HEG1: variants seen among roughly 807,000 people sequenced by gnomAD.
HEG1 encodes heart development protein with EGF like domains 1, also known as protein HEG homolog 1.
Under a neutral mutation model 125.6 loss-of-function variants are expected in HEG1, and 56 were observed. The ratio of observed to expected loss-of-function variants is 0.45; its 90% CI spans 0.36 to 0.56. The LOEUF is 0.56. Ranked by LOEUF, HEG1 falls within the 20% of genes least tolerant of loss-of-function variation. HEG1 has a pLI of 0.00. For synonymous variants in HEG1, 644 were observed against 668.5 expected (o/e 0.96, Z 0.57); for missense variants, 1,523 against 1,670.0 (o/e 0.91, Z 1.53).
intron 15 of HEG1, among the ~76,000 whole-genome samples, chr3:124,976,959 G>C (rs1936555981): frequency 6.6e-6 from 1 of 152,124 alleles, no homozygotes; most frequent in African/African-American, 2.4e-5. Flanking sequence ...CCATTGATAT[G>C]GTTCGGCTAT....
rs1411652792 is a variant in HEG1, at chr3:125,055,569, A to G, written c.316+6T>C. 6.7e-6 allele frequency: 8 copies of G among 1,202,400 alleles called. No individual in the cohort carries two copies. Among genetic ancestry groups the G allele is most frequent in the Non-Finnish European group, 7.2e-6 (7 of 968,806 alleles). 74.5% of individuals were successfully genotyped at this position (1,202,400 alleles called of 1,614,324 possible). On this transcript the variant is annotated splice_donor_region_variant and intron_variant, in intron 1 of 16. Coordinates refer to ENST00000311127, the MANE Select transcript of HEG1 (RefSeq NM_020733.2). ...GCCAGGCGCCAGGTTCCCGGCTCTC[A>G]CTCACCCGCGCTCCCGCCTCTGGGG...
rs1310222019 is a variant in HEG1, at chr3:125,013,349, T to C, written c.2230A>G (p.Thr744Ala). The change falls in exon 6 of 17, where the codon ACC (threonine) becomes GCC (alanine). Residue 744 changes from threonine to alanine, a missense_variant. Transcript: ENST00000311127. Reference protein sequence around the residue: ...SQTTLPQSSSTPVLPRARETP... With the variant: ...SQTTLPQSSSAPVLPRARETP... ...TCCCTTGCCCTGGGCAGGACAGGGG[T>C]AGAAGATGACTGTGGCAAGGTTGTT... 1 of 1,613,832 alleles carries C rather than the reference T, an allele frequency of 6.2e-7. No homozygotes were observed. The highest frequency in any genetic ancestry group is 1.7e-5 in the Admixed American group (1 of 59,994).
intron 14 of HEG1, among the ~76,000 whole-genome samples, chr3:124,985,317 A>G (rs1308385853): frequency 1.3e-5 from 2 of 152,218 alleles, no homozygotes; most frequent in Non-Finnish European, 2.9e-5. Flanking sequence ...CTCTTCCCTT[A>G]ACTTCTATTT....
intron 1 of HEG1, among the ~76,000 whole-genome samples, chr3:125,031,916 G>A (rs1181484525): frequency 6.6e-6 from 1 of 152,010 alleles, no homozygotes; most frequent in Non-Finnish European, 1.5e-5. Context: ...ATCCACATGT[G>A]TACACTTTAA....
intron 11 of HEG1, among the ~76,000 whole-genome samples, chr3:124,998,356 C>T (rs1244918724): frequency 6.6e-6 from 1 of 152,230 alleles, no homozygotes; most frequent in African/African-American, 2.4e-5. Flanking sequence ...AGGTGGCTTG[C>T]TGTCCTGACA....
In HEG1 at chr3:124,966,699, G is replaced by A. The variant is rs533030629; in HGVS notation, c.*3953C>T. 1.3e-5 allele frequency: 2 copies of A among 152,314 alleles called. No individual in the cohort carries two copies. Among genetic ancestry groups the A allele is most frequent in the Admixed American group, 6.5e-5 (1 of 15,298 alleles). 9.4% of individuals were successfully genotyped at this position (152,314 alleles called of 1,614,324 possible). ...GAAGTGCTGTAGTCTCAAAATTTGTGTATTTTAGAACTATGGGTCAAAACC... is the reference window on the plus strand; with the variant it reads ...GAAGTGCTGTAGTCTCAAAATTTGTATATTTTAGAACTATGGGTCAAAACC... On this transcript the variant is annotated 3_prime_UTR_variant, in exon 17 of 17. Transcript: ENST00000311127.
intron 1 of HEG1, among the ~76,000 whole-genome samples, chr3:125,029,832 C>T (rs992855358): frequency 2.0e-5 from 3 of 152,188 alleles, no homozygotes; most frequent in African/African-American, 2.4e-5. Flanking sequence ...GCAGAGGTTG[C>T]GGTGAGCCAA....
intron 3 of HEG1, among the ~76,000 whole-genome samples, chr3:125,023,394 C>T (rs1001296540): frequency 2.0e-5 from 3 of 152,198 alleles, no homozygotes; most frequent in African/African-American, 7.2e-5. Flanking sequence ...TTCCCTGACT[C>T]TGAGAGCTCT....
At chr3:124,980,525 T>A (rs560433098) in intron 14 of HEG1, among the ~76,000 whole-genome samples, 58 of 152,338 alleles carry the variant, frequency 3.8e-4, no homozygotes, top group Admixed American at 5.2e-4. Context: ...TTTTTTATTT[T>A]TTTTTTATTT....
rs1192428335 is a variant in HEG1 at position 125,023,822 on chromosome 3, G to A, written c.914-2692C>T. Among the ~76,000 whole-genome samples the A allele has an allele frequency of 4.6e-5, 7 of 152,236 alleles. 1 individual carries two copies. In the South Asian group the frequency reaches 1.2e-3, roughly 27 times the overall value. ...AGCCAAATTCCTGATCTTTATAATG[G>A]GAGGTTGCAAGAATGCCTACTCGTC... is the stretch of plus-strand genomic sequence containing the variant. On this transcript the variant is annotated intron_variant, in intron 3 of 16. Coordinates refer to ENST00000311127, the MANE Select transcript of HEG1 (RefSeq NM_020733.2).
At position 125,012,709 on chromosome 3, in the gene HEG1, G is replaced by T. The variant is rs147885895; in HGVS notation, c.2870C>A (p.Thr957Lys). The T allele has an allele frequency of 2.5e-6, 4 of 1,613,826 alleles. No individual in the cohort carries two copies. The highest frequency in any genetic ancestry group is 1.3e-5 in the African/African-American group (1 of 74,924). Reference protein sequence around the residue: ...SPSPQTTVVSTAEDLAPKSAT... With the variant: ...SPSPQTTVVSKAEDLAPKSAT... ...AGATTTGGGAGCCAAGTCTTCAGCC[G>T]TGGAAACAACTGTGGTTTGGGGAGA... Residue 957 changes from threonine to lysine, a missense_variant, in exon 6 of 17, where the codon ACG (threonine) becomes AAG (lysine). Coordinates refer to ENST00000311127, the MANE Select transcript of HEG1 (RefSeq NM_020733.2).
chr3:125,014,829 G>A (rs1226286633), intron 5 of HEG1: 2 of 1,289,740 alleles, frequency 1.6e-6, no homozygotes, highest in African/African-American at 1.5e-5. Context: ...AGGGCTGCCT[G>A]CTTCCCCAGA....
At position 125,029,401 on chromosome 3, in the gene HEG1, G is replaced by T. The variant is rs1163300311; in HGVS notation, c.404C>A (p.Thr135Lys). The T allele has an allele frequency of 6.2e-6, 10 of 1,611,280 alleles. No homozygotes were observed. The highest frequency in any genetic ancestry group is 8.5e-6 in the Non-Finnish European group (10 of 1,179,830). ...TFYQNQEDFS[T>K]VSSKEGVMVQ... ...CATCACGCCCTCTTTGGAGGACACT[G>T]TTGAAAAGTCCTCTTGATTCTGATA... Residue 135 changes from threonine to lysine, a missense_variant, in exon 2 of 17, where the codon ACA (threonine) becomes AAA (lysine). Coordinates refer to ENST00000311127, the MANE Select transcript of HEG1 (RefSeq NM_020733.2).
At chr3:125,055,303 A>C (rs1001583260) in intron 1 of HEG1, among the ~76,000 whole-genome samples, 5 of 151,958 alleles carry the variant, frequency 3.3e-5, no homozygotes, top group African/African-American at 1.2e-4. Flanking sequence ...TTTTTTTTAA[A>C]GTGGGGTGGA....
intron 14 of HEG1, among the ~76,000 whole-genome samples, chr3:124,987,744 T>C (rs1255589914): frequency 6.6e-6 from 1 of 150,548 alleles, no homozygotes; most frequent in Non-Finnish European, 1.5e-5. Flanking sequence ...ACGGTCTCAA[T>C]CTCCTGACCT....
At chr3:124,978,143 T>C (rs893129420) in intron 14 of HEG1, among the ~76,000 whole-genome samples, 197 bp from the exon 15 acceptor site, 1 of 151,638 alleles carries the variant, frequency 6.6e-6, no homozygotes, top group Non-Finnish European at 1.5e-5. Context: ...AGTTTTTTGT[T>C]GTTGTTGTTG....
At chr3:125,049,031 T>C (rs1403680362) in intron 1 of HEG1, among the ~76,000 whole-genome samples, 1 of 152,144 alleles carries the variant, frequency 6.6e-6, no homozygotes, top group Non-Finnish European at 1.5e-5. Flanking sequence ...TTCTCTCTGA[T>C]TTTCCTCTTT....
At chr3:125,039,188 C>A (rs906593971) in intron 1 of HEG1, among the ~76,000 whole-genome samples, 2 of 150,428 alleles carry the variant, frequency 1.3e-5, no homozygotes, top group Non-Finnish European at 3.0e-5. Flanking sequence ...TTTTTTTTTT[C>A]CTCCTAATTG....
intron 8 of HEG1, among the ~76,000 whole-genome samples, chr3:125,007,968 G>A (rs1442987634): frequency 6.6e-6 from 1 of 150,992 alleles, no homozygotes; most frequent in African/African-American, 2.4e-5. Flanking sequence ...GGAATGTAGT[G>A]ATACAATCTC....
Sources: allele counts gnomAD v4.1 joint callset (sites outside exome capture counted in the v4.1 genomes callset), GRCh38; gene constraint gnomAD v4.1.1; transcripts MANE v1.5; gene names NCBI Gene and HGNC (gene_info 2026-07-23, HGNC 2026-07-21).